RAB3GAP1: variants seen among roughly 807,000 people sequenced by gnomAD.
The protein encoded by RAB3GAP1 is RAB3 GTPase activating protein catalytic subunit 1.
A neutral mutation model predicts 130.7 loss-of-function variants in RAB3GAP1; 86 were observed. That is an observed-to-expected ratio of 0.66 (90% CI 0.55 to 0.79). RAB3GAP1 has a LOEUF of 0.79. RAB3GAP1 is among the 30% of genes least tolerant of loss of function. The probability of loss-of-function intolerance (pLI) is 0.00; values close to 1 mark genes in which losing one functional copy is unlikely to be tolerated. For missense variants in RAB3GAP1, 1,029 were observed against 1,169.4 expected (o/e 0.88, Z 1.75); for synonymous variants, 367 against 401.7 (o/e 0.91, Z 1.03).
At chr2:135,117,669 GCTT>G (rs1558784618) in intron 7 of RAB3GAP1, among the ~76,000 whole-genome samples, 7 of 18,328 alleles carry the variant, frequency 3.8e-4, no homozygotes, top group East Asian at 1.1e-3. Context: ...TTCTGCTTCT[GCTT>G]CTTCTGCTTC....
At chr2:135,142,339 C>T (rs547984137) in intron 17 of RAB3GAP1, among the ~76,000 whole-genome samples, 115 of 152,012 alleles carry the variant, frequency 7.6e-4, no homozygotes, top group Non-Finnish European at 1.3e-3. Flanking sequence ...CAATTTTTTT[C>T]CCTTGATAGA....
rs771679481 is a variant in RAB3GAP1 at position 135,153,881 on chromosome 2, T to C, written c.2289+5T>C. 8 of 1,610,256 alleles carry C rather than the reference T, an allele frequency of 5.0e-6. No individual in the cohort carries two copies. Among genetic ancestry groups the C allele is most frequent in the East Asian group, 4.5e-5 (2 of 44,854 alleles). On this transcript the variant is annotated splice_donor_5th_base_variant and intron_variant, in intron 19 of 23. Coordinates refer to ENST00000264158, the MANE Select transcript of RAB3GAP1 (RefSeq NM_012233.3). Reference sequence around the variant, plus strand: ...GATACACGGGAAGCAGAAAAGGTAATTGAGGTTTGAGTCTCTAATACTAGA... The same window carrying C: ...GATACACGGGAAGCAGAAAAGGTAACTGAGGTTTGAGTCTCTAATACTAGA...
intron 18 of RAB3GAP1, among the ~76,000 whole-genome samples, chr2:135,151,447 TA>T (rs1692172203): frequency 6.6e-6 from 1 of 152,258 alleles, no homozygotes; most frequent in Non-Finnish European, 1.5e-5. Context: ...CACAAACACC[TA>T]TGCCACTTTC....
At chr2:135,084,016 G>T (rs779891547) in intron 3 of RAB3GAP1, among the ~76,000 whole-genome samples, 1 of 151,956 alleles carries the variant, frequency 6.6e-6, no homozygotes, top group Non-Finnish European at 1.5e-5. Context: ...AGGCCAAGGC[G>T]GGTGAATCAT....
chr2:135,117,945 T>TG (rs948092724), intron 7 of RAB3GAP1, among the ~76,000 whole-genome samples: 3 of 151,912 alleles, frequency 2.0e-5, no homozygotes, highest in African/African-American at 7.3e-5. Context: ...CTCGACCTCC[T>TG]GGGGTCACTG....
chr2:135,058,649 T>C (rs973030732), intron 3 of RAB3GAP1: 6 of 152,416 alleles, frequency 3.9e-5, no homozygotes, highest in African/African-American at 1.4e-4. Context: ...TCTTTGAAAT[T>C]GAGGTAGAAA....
chr2:135,161,990 G>A (rs1692478403), intron 19 of RAB3GAP1, among the ~76,000 whole-genome samples: 1 of 151,960 alleles, frequency 6.6e-6, no homozygotes, highest in South Asian at 2.1e-4. Context: ...CATATTTATA[G>A]GGTTATACTT....
intron 3 of RAB3GAP1, among the ~76,000 whole-genome samples, chr2:135,071,554 T>C (rs548993663): frequency 2.6e-5 from 4 of 150,950 alleles, no homozygotes; most frequent in African/African-American, 7.3e-5. Flanking sequence ...AAAGAATTAT[T>C]AGAGAAAGTA....
intron 2 of RAB3GAP1, among the ~76,000 whole-genome samples, 173 bp downstream of exon 2, chr2:135,052,658 C>T (rs1450596630): frequency 6.6e-6 from 1 of 152,186 alleles, no homozygotes; most frequent in Non-Finnish European, 1.5e-5. Flanking sequence ...TCTTCCGCGT[C>T]TCGCGTCTGG....
chr2:135,084,285 T>C (rs1689915434), intron 3 of RAB3GAP1, among the ~76,000 whole-genome samples: 1 of 152,188 alleles, frequency 6.6e-6, no homozygotes, highest in Non-Finnish European at 1.5e-5. Flanking sequence ...TGTCTTCTCC[T>C]TATCCAGTTG....
At chr2:135,110,965 A>G (rs1359289580) in intron 5 of RAB3GAP1, among the ~76,000 whole-genome samples, 2 of 152,114 alleles carry the variant, frequency 1.3e-5, no homozygotes, top group Non-Finnish European at 2.9e-5. Flanking sequence ...TCTTTCTTCC[A>G]GGGACATTTG....
intron 5 of RAB3GAP1, among the ~76,000 whole-genome samples, chr2:135,098,961 T>C (rs1690375453): frequency 6.6e-6 from 1 of 152,216 alleles, no homozygotes; most frequent in South Asian, 2.1e-4. Context: ...ATACAATCAC[T>C]GTCTCTGAAT....
Position 135,135,818 on chromosome 2 carries a change from C to CA in RAB3GAP1, c.1811dup (p.Lys605GlufsTer5). 6.2e-7 allele frequency: 1 copy of CA among 1,614,096 alleles called. No homozygotes were observed. The highest frequency in any genetic ancestry group is 8.5e-7 in the Non-Finnish European group (1 of 1,180,010). ...TTAAAGGAAATGGACAAGAGAGTGG[C>CA]AAGAAAGGAGGACCTAAGGAGATGG... On this transcript the variant is annotated frameshift_variant, in exon 17 of 24. Coordinates refer to ENST00000264158, the MANE Select transcript of RAB3GAP1 (RefSeq NM_012233.3). LOFTEE classifies it high-confidence loss of function.
chr2:135,094,896 A>C (rs754650850), intron 5 of RAB3GAP1, among the ~76,000 whole-genome samples: 1 of 152,150 alleles, frequency 6.6e-6, no homozygotes, highest in African/African-American at 2.4e-5. Flanking sequence ...TTATGGCTGA[A>C]TAATATTATA....
rs1263125616 is a variant in RAB3GAP1 at position 135,126,113 on chromosome 2, T to C, written c.831-68T>C. On this transcript the variant is annotated intron_variant, in intron 9 of 23. Coordinates refer to ENST00000264158, the MANE Select transcript of RAB3GAP1 (RefSeq NM_012233.3). ...ATACTTTTATTTCCTTGGTATAGTT[T>C]TCTAGAAGTATTAAATATAATTGCT... 8.5e-6 allele frequency: 10 copies of C among 1,175,162 alleles called. No homozygotes were observed. In the Admixed American group the frequency reaches 1.7e-4, roughly 20 times the overall value. 72.8% of individuals were successfully genotyped at this position (1,175,162 alleles called of 1,614,324 possible). A position where few individuals can be genotyped will look rare whatever the true frequency, so the allele number is the denominator to read the frequency against.
intron 17 of RAB3GAP1, among the ~76,000 whole-genome samples, chr2:135,139,592 T>C (rs1691780032): frequency 6.6e-6 from 1 of 151,610 alleles, no homozygotes; most frequent in Non-Finnish European, 1.5e-5. Flanking sequence ...AGTATACTGC[T>C]TGGTGAATTT....
chr2:135,134,006 G>A lies in RAB3GAP1; in HGVS notation c.1472G>A (p.Arg491Gln), dbSNP rs142396337. 12 of 1,613,728 alleles carry A rather than the reference G, an allele frequency of 7.4e-6. No homozygotes were observed. Among genetic ancestry groups the A allele is most frequent in the African/African-American group, 5.3e-5 (4 of 74,922 alleles). ...GAATTTGTTCTTGAAATGCGTTTCC[G>A]ATGGGAAAACAACTTTCTGATTCCA... is the stretch of plus-strand genomic sequence containing the variant. Reference protein sequence around the residue: ...WQEFVLEMRFRWENNFLIPGL... With the variant: ...WQEFVLEMRFQWENNFLIPGL... The change falls in exon 15 of 24, where the codon CGA becomes CAA. Residue 491 changes from arginine to glutamine, a missense_variant. By Grantham distance (43) the Arg-to-Gln change is conservative. Transcript: ENST00000264158.
intron 18 of RAB3GAP1, among the ~76,000 whole-genome samples, 177 bp from the exon 19 acceptor site, chr2:135,153,472 A>T (rs563580861): frequency 6.6e-6 from 1 of 152,362 alleles, no homozygotes; most frequent in East Asian, 1.9e-4. Flanking sequence ...AAATAAAAAT[A>T]AAATGCTTTT....
intron 4 of RAB3GAP1, among the ~76,000 whole-genome samples, chr2:135,092,412 T>C (rs1690167991): frequency 6.6e-6 from 1 of 152,140 alleles, no homozygotes; most frequent in African/African-American, 2.4e-5. Flanking sequence ...AAGGAGACTG[T>C]GGTACAATGA....
Sources: allele counts gnomAD v4.1 joint callset (sites outside exome capture counted in the v4.1 genomes callset), GRCh38; gene constraint gnomAD v4.1.1; transcripts MANE v1.5; gene names NCBI Gene and HGNC (gene_info 2026-07-23, HGNC 2026-07-21).